CEP63: variants seen among roughly 807,000 people sequenced by gnomAD.
CEP63 encodes the protein centrosomal protein 63, also known as centrosomal protein of 63 kDa.
Under a neutral mutation model 89.1 loss-of-function variants are expected in CEP63, and 84 were observed. The observed-to-expected ratio is 0.94, with a 90% CI of 0.79 to 1.13. CEP63 has a LOEUF of 1.13. Ranked by LOEUF, CEP63 falls within the 50% of genes most tolerant of loss-of-function variation. The pLI is 0.00. For missense variants in CEP63, 838 were observed against 813.3 expected, an observed-to-expected ratio of 1.03 and a Z score of -0.37; for synonymous variants, 267 against 272.5, an observed-to-expected ratio of 0.98 and a Z score of 0.20.
At chr3:134,728,989 A>G in the CEP63 span, among the ~76,000 whole-genome samples, 1 of 152,228 alleles carries the variant, frequency 6.6e-6, no homozygotes. Context: ...ACACACAGAC[A>G]CACAAACACA....
intron 1 of CEP63, among the ~76,000 whole-genome samples, chr3:134,491,813 A>ATCC (rs1937612457): frequency 6.6e-6 from 1 of 152,184 alleles, no homozygotes; most frequent in Non-Finnish European, 1.5e-5. Flanking sequence ...GAGCATTGTT[A>ATCC]TCCTCCTTTA....
chr3:134,664,564 G>A, the CEP63 span, among the ~76,000 whole-genome samples: 1 of 152,188 alleles, frequency 6.6e-6, no homozygotes, highest in East Asian at 1.9e-4. Context: ...TGTGCGCACA[G>A]GTGTTTGTGT....
chr3:134,579,236 C>T (rs1958289069), downstream of CEP63, among the ~76,000 whole-genome samples: 1 of 152,224 alleles, frequency 6.6e-6, no homozygotes, highest in Non-Finnish European at 1.5e-5. Context: ...AGAACCTTAC[C>T]AGGTAACTTA....
chr3:134,707,383 G>T, the CEP63 span, among the ~76,000 whole-genome samples: 2 of 152,202 alleles, frequency 1.3e-5, no homozygotes, highest in South Asian at 2.1e-4. Context: ...TAGGCTACCA[G>T]GAGTACAAGG....
the CEP63 span, among the ~76,000 whole-genome samples, chr3:134,767,833 A>C: frequency 1.3e-5 from 2 of 152,222 alleles, no homozygotes; most frequent in African/African-American, 4.8e-5. Flanking sequence ...TGGAGGAGAT[A>C]GGTGCAGAAC....
At chr3:134,658,612 T>TCCTTTAG in the CEP63 span, among the ~76,000 whole-genome samples, 1 of 152,212 alleles carries the variant, frequency 6.6e-6, no homozygotes, top group African/African-American at 2.4e-5. Flanking sequence ...TGAGACTTCT[T>TCCTTTAG]CCTTTAGCCT....
chr3:134,599,361 C>T, the CEP63 span, among the ~76,000 whole-genome samples: 1 of 152,108 alleles, frequency 6.6e-6, no homozygotes, highest in South Asian at 2.1e-4. Context: ...ATGACGAAGC[C>T]AGATTTGGGA....
At chr3:134,542,742 T>C (rs1016968475) in intron 6 of CEP63, among the ~76,000 whole-genome samples, 1 of 152,198 alleles carries the variant, frequency 6.6e-6, no homozygotes, top group African/African-American at 2.4e-5. Flanking sequence ...TCTTTCACAC[T>C]TTAGCTGGCC....
At chr3:134,772,921 A>C in the CEP63 span, among the ~76,000 whole-genome samples, 1 of 152,180 alleles carries the variant, frequency 6.6e-6, no homozygotes, top group South Asian at 2.1e-4. Flanking sequence ...GGCTTCTGGT[A>C]GGTTGGGAGA....
the CEP63 span, among the ~76,000 whole-genome samples, chr3:134,676,449 T>A: frequency 6.6e-6 from 1 of 152,228 alleles, no homozygotes; most frequent in Non-Finnish European, 1.5e-5. Flanking sequence ...GCGGAGTGAC[T>A]GTCAATGTGT....
chr3:134,493,994 G>A (rs538880499), intron 1 of CEP63, among the ~76,000 whole-genome samples: 8 of 152,206 alleles, frequency 5.3e-5, no homozygotes, highest in South Asian at 2.1e-4. Flanking sequence ...TATAAAAGGC[G>A]AGAAGCATAC....
chr3:134,693,983 A>G, the CEP63 span, among the ~76,000 whole-genome samples: 3 of 152,184 alleles, frequency 2.0e-5, no homozygotes, highest in African/African-American at 7.2e-5. Flanking sequence ...TCCTGCAGGA[A>G]TGTTGGCAGC....
At chr3:134,612,321 A>G in the CEP63 span, among the ~76,000 whole-genome samples, 1 of 152,286 alleles carries the variant, frequency 6.6e-6, no homozygotes, top group African/African-American at 2.4e-5. Flanking sequence ...CAAAGGCCAT[A>G]AGCCACTCCA....
At position 134,551,546 on chromosome 3, in the gene CEP63, G is replaced by A. The variant is rs1485888760; in HGVS notation, c.1381-380G>A. ...TGAATAAAGTACAATTCCATGTGAC[G>A]TTGCAGGTAGAAGCCAAATTGGAGG... On this transcript the variant is annotated intron_variant, in intron 11 of 14. Coordinates refer to ENST00000675561, the MANE Select transcript of CEP63 (RefSeq NM_001353108.3). Among the ~76,000 whole-genome samples the A allele has an allele frequency of 3.9e-5, 6 of 151,970 alleles. No individual in the cohort carries two copies. The East Asian group carries it at 9.6e-4, about 24-fold the overall frequency.
the CEP63 span, among the ~76,000 whole-genome samples, chr3:134,729,230 A>C: frequency 6.6e-6 from 1 of 152,222 alleles, no homozygotes; most frequent in East Asian, 1.9e-4. Context: ...TTTTGCTAGC[A>C]ACAACTCCCA....
At chr3:134,731,566 C>G in the CEP63 span, among the ~76,000 whole-genome samples, 1 of 152,086 alleles carries the variant, frequency 6.6e-6, no homozygotes, top group African/African-American at 2.4e-5. Context: ...TAAGGGAGTA[C>G]TTCCAGGTCT....
At chr3:134,671,366 A>C in the CEP63 span, among the ~76,000 whole-genome samples, 2 of 152,256 alleles carry the variant, frequency 1.3e-5, no homozygotes, top group African/African-American at 4.8e-5. Context: ...TGAGGGTTGA[A>C]TGATCACCTA....
the CEP63 span, among the ~76,000 whole-genome samples, chr3:134,766,742 G>A: frequency 8.6e-3 from 1,317 of 152,344 alleles, 18 homozygotes; most frequent in African/African-American, 0.029. Context: ...GCTGGTCAGA[G>A]GAGAGGGGAG....
At chr3:134,739,450 G>A in the CEP63 span, among the ~76,000 whole-genome samples, 11 of 152,114 alleles carry the variant, frequency 7.2e-5, no homozygotes, top group South Asian at 1.7e-3. Flanking sequence ...TATATATACC[G>A]GGAGATTAGA....
Sources: gnomAD v4.1 joint callset for allele counts (sites outside exome capture counted in the v4.1 genomes callset) on GRCh38, gnomAD v4.1.1 for gene constraint, MANE v1.5 for transcripts, NCBI Gene and HGNC (gene_info 2026-07-23, HGNC 2026-07-21) for gene names.